CREB3L2: variants seen among roughly 807,000 people sequenced by gnomAD.
CREB3L2 encodes the protein cyclic AMP-responsive element-binding protein 3-like protein 2.
In CREB3L2, 23 loss-of-function variants were observed where a neutral mutation model predicts 57.2. That is an observed-to-expected ratio of 0.40 (90% confidence interval 0.29 to 0.57). The LOEUF (loss-of-function observed/expected upper bound fraction) is 0.57. Ranked by LOEUF, CREB3L2 falls within the 20% of genes least tolerant of loss-of-function variation. The probability of loss-of-function intolerance (pLI) is 0.42; values close to 1 mark genes in which losing one functional copy is unlikely to be tolerated. For synonymous variants in CREB3L2, 268 were observed against 265.1 expected, an observed-to-expected ratio of 1.01 and a Z score of -0.11; for missense variants, 628 against 634.7, an observed-to-expected ratio of 0.99 and a Z score of 0.11.
chr7:137,985,389 G>C (rs1421405854), intron 1 of CREB3L2, among the ~76,000 whole-genome samples: 1 of 152,190 alleles, frequency 6.6e-6, no homozygotes, highest in East Asian at 1.9e-4. Context: ...TGGCTTAAAT[G>C]CCTTTGCTGC....
chr7:137,905,186 T>C (rs970084344), intron 6 of CREB3L2, among the ~76,000 whole-genome samples: 1 of 150,102 alleles, frequency 6.7e-6, no homozygotes, highest in East Asian at 2.0e-4. Flanking sequence ...AGTCCAAATA[T>C]AGACCAGCAA....
chr7:137,974,115 T>C (rs1459871640), intron 1 of CREB3L2, among the ~76,000 whole-genome samples: 1 of 152,172 alleles, frequency 6.6e-6, no homozygotes, highest in African/African-American at 2.4e-5. Context: ...TTGTCCTACC[T>C]ACCCCATTGG....
At chr7:137,963,129 A>G (rs952724205) in intron 1 of CREB3L2, among the ~76,000 whole-genome samples, 2 of 152,154 alleles carry the variant, frequency 1.3e-5, no homozygotes, top group Non-Finnish European at 2.9e-5. Flanking sequence ...CAACGCCTGG[A>G]AAGTCTAGAT....
chr7:137,883,643 C>CCT (rs1053560657), intron 10 of CREB3L2, among the ~76,000 whole-genome samples: 2 of 152,054 alleles, frequency 1.3e-5, no homozygotes, highest in South Asian at 4.2e-4. Context: ...ATGAATGTGG[C>CCT]CTCTCTCTCT....
intron 1 of CREB3L2, among the ~76,000 whole-genome samples, chr7:137,958,449 G>A (rs191097597): frequency 6.6e-6 from 1 of 152,262 alleles, no homozygotes; most frequent in Admixed American, 6.5e-5. Context: ...AGGATCGCTT[G>A]AGCTCAGGAG....
At chr7:137,930,775 A>C (rs1563257222) in intron 1 of CREB3L2, among the ~76,000 whole-genome samples, 1 of 152,198 alleles carries the variant, frequency 6.6e-6, no homozygotes, top group Non-Finnish European at 1.5e-5. Flanking sequence ...AATACATTTC[A>C]AACTGGAAGG....
At chr7:137,893,431 T>C (rs901574925) in intron 8 of CREB3L2, among the ~76,000 whole-genome samples, 1 of 152,192 alleles carries the variant, frequency 6.6e-6, no homozygotes, top group African/African-American at 2.4e-5. Context: ...AAGTGTACAG[T>C]AGAGTAACTT....
At position 137,912,981 on chromosome 7, in the gene CREB3L2, GC is replaced by G; in HGVS notation, c.583+9del. The G allele has an allele frequency of 6.2e-7, 1 of 1,613,314 alleles. No homozygotes were observed. The highest frequency in any genetic ancestry group is 8.5e-7 in the Non-Finnish European group (1 of 1,179,426). On this transcript the variant is annotated intron_variant, in intron 4 of 11. Transcript: ENST00000330387. ...CATAACCCAAAGGGACACAGGGAGG[GC>G]AGACAGACCTTCTTTAGGAGAGAAG...
intron 1 of CREB3L2, among the ~76,000 whole-genome samples, chr7:137,948,840 C>T (rs1400329954): frequency 1.3e-5 from 2 of 152,132 alleles, no homozygotes; most frequent in Non-Finnish European, 2.9e-5. Flanking sequence ...GTGACCTGCA[C>T]AACATAATGA....
At chr7:137,891,440 T>A (rs1490847078) in intron 8 of CREB3L2, among the ~76,000 whole-genome samples, 1 of 152,202 alleles carries the variant, frequency 6.6e-6, no homozygotes, top group Non-Finnish European at 1.5e-5. Flanking sequence ...ATACAGTTAT[T>A]GAATGTTGGA....
intron 1 of CREB3L2, among the ~76,000 whole-genome samples, chr7:137,941,915 T>C (rs1563260894): frequency 6.6e-6 from 1 of 152,228 alleles, no homozygotes; most frequent in Admixed American, 6.5e-5. Flanking sequence ...TAAAAAATGA[T>C]GAAGGTCATA....
chr7:137,879,294 C>G lies in CREB3L2; in HGVS notation c.*1182G>C, dbSNP rs1799232622. The G allele has an allele frequency of 3.8e-6, 2 of 528,810 alleles. No homozygotes were observed. Among genetic ancestry groups the G allele is most frequent in the African/African-American group, 3.8e-5 (2 of 53,332 alleles). 32.8% of individuals were successfully genotyped at this position (528,810 alleles called of 1,614,324 possible). ...GGATACACAAATGTCACCTACCCCA[C>G]CCTGCTTTGTTGAGGTAGGGGACGA... On this transcript the variant is annotated 3_prime_UTR_variant, in exon 12 of 12. Coordinates refer to ENST00000330387, the MANE Select transcript of CREB3L2 (RefSeq NM_194071.4).
intron 2 of CREB3L2, among the ~76,000 whole-genome samples, chr7:137,922,261 C>T (rs574091803): frequency 5.3e-4 from 80 of 150,648 alleles, no homozygotes; most frequent in African/African-American, 1.8e-3. Context: ...AGGCACAGAC[C>T]ACAGATTTTT....
intron 1 of CREB3L2, among the ~76,000 whole-genome samples, chr7:137,937,836 A>T (rs1800816687): frequency 1.3e-5 from 2 of 151,620 alleles, no homozygotes; most frequent in Middle Eastern, 3.2e-3. Flanking sequence ...AAAAAAAAAA[A>T]AATTAAATAA....
chr7:137,892,405 C>T (rs990539699), intron 8 of CREB3L2, among the ~76,000 whole-genome samples: 8 of 151,288 alleles, frequency 5.3e-5, no homozygotes, highest in Admixed American at 4.6e-4. Context: ...AATCCCACTA[C>T]TTTGGGAGGC....
chr7:137,935,134 A>G (rs554336421), intron 1 of CREB3L2, among the ~76,000 whole-genome samples: 9 of 152,276 alleles, frequency 5.9e-5, no homozygotes, highest in Non-Finnish European at 1.2e-4. Context: ...CATACTCCAA[A>G]CCTTGGTTTA....
In CREB3L2 at chr7:137,913,057, T is replaced by C. The variant is rs1192030161; in HGVS notation, c.517A>G (p.Ile173Val). The change falls in exon 4 of 12, where the codon ATT (isoleucine) becomes GTT (valine). Residue 173 changes from isoleucine (I) to valine (V), a missense_variant. Around this residue, in one of 3 missense-constraint regions of CREB3L2, gnomAD observed 339 missense variants for 355.4 expected, o/e 0.95. Transcript: ENST00000330387. Reference protein sequence around the residue: ...NTGVDSSCQTIIPKIKLEPHE... With the variant: ...NTGVDSSCQTVIPKIKLEPHE... Reference sequence around the variant, plus strand: ...GGCTCCAGCTTAATTTTAGGAATAATGGTCTGGCACGAGGAATCAACCTGG... The same window carrying C: ...GGCTCCAGCTTAATTTTAGGAATAACGGTCTGGCACGAGGAATCAACCTGG... 2.5e-6 allele frequency: 4 copies of C among 1,613,760 alleles called. No individual in the cohort carries two copies. Among genetic ancestry groups the C allele is most frequent in the Non-Finnish European group, 3.4e-6 (4 of 1,179,972 alleles).
chr7:137,882,982 A>G (rs1024341169), intron 10 of CREB3L2, among the ~76,000 whole-genome samples: 1 of 152,236 alleles, frequency 6.6e-6, no homozygotes, highest in Non-Finnish European at 1.5e-5. Context: ...GGAGATGTCC[A>G]GACCCAGCTA....
chr7:137,942,530 C>T (rs1458788129), intron 1 of CREB3L2, among the ~76,000 whole-genome samples: 1 of 152,146 alleles, frequency 6.6e-6, no homozygotes, highest in Non-Finnish European at 1.5e-5. Flanking sequence ...AGCTTCAATT[C>T]TTCAACTTGG....
Sources: allele counts gnomAD v4.1 joint callset (sites outside exome capture counted in the v4.1 genomes callset), GRCh38; gene constraint gnomAD v4.1.1; regional missense constraint gnomAD v4.1.1; transcripts MANE v1.5; gene names NCBI Gene and HGNC (gene_info 2026-07-23, HGNC 2026-07-21).